PLEKHA6: variants seen among roughly 807,000 people sequenced by gnomAD.
The protein encoded by PLEKHA6 is pleckstrin homology domain containing A6.
Under a neutral mutation model 116.7 loss-of-function variants are expected in PLEKHA6, and 60 were observed. That is an observed-to-expected ratio of 0.51 (90% CI 0.42 to 0.64). The LOEUF (loss-of-function observed/expected upper bound fraction) is 0.64, where lower values mean the gene tolerates loss of function less well. Among genes scored for constraint, PLEKHA6 ranks in the 30% least tolerant of loss-of-function variants. The probability of loss-of-function intolerance (pLI) is 0.00; values close to 1 mark genes in which losing one functional copy is unlikely to be tolerated. For missense variants in PLEKHA6, 1,338 were observed against 1,422.7 expected (o/e 0.94, Z 0.96); for synonymous variants, 489 against 556.1 (o/e 0.88, Z 1.70).
intron 1 of PLEKHA6, among the ~76,000 whole-genome samples, chr1:204,375,181 C>T (rs1340409180): frequency 6.6e-6 from 1 of 152,096 alleles, no homozygotes; most frequent in East Asian, 1.9e-4. Context: ...CCCTCGCACT[C>T]TTCTGGGTCG....
At chr1:204,367,225 G>A (rs1026673160) in intron 3 of PLEKHA6, among the ~76,000 whole-genome samples, 5 of 152,164 alleles carry the variant, frequency 3.3e-5, no homozygotes, top group African/African-American at 7.2e-5. Context: ...CTTTAGCCAC[G>A]GCAGGAAATA....
intron 17 of PLEKHA6, among the ~76,000 whole-genome samples, chr1:204,237,276 A>C (rs946804869): frequency 1.3e-5 from 2 of 152,216 alleles, no homozygotes; most frequent in African/African-American, 4.8e-5. Flanking sequence ...AAGAACCCCC[A>C]CATTGGCTCC....
chr1:204,259,575 T>C lies in PLEKHA6; in HGVS notation c.690A>G (p.Lys230=), dbSNP rs754445286. The change falls in exon 8 of 23, where the codon AAA becomes AAG. Residue 230 remains lysine, a synonymous_variant. Transcript: ENST00000272203. The surrounding 1 kb of genome is among the most constrained non-coding windows in gnomAD (Gnocchi z 4.6). ...GGCCATTGGCTTTCACCGGAGGCTC[T>C]TTCTTGACTTCTGGCCTCTCAGGCC... The part of the protein sequence containing the change: ...ERRPERPEVK[K]EPPVKANGLP... The C allele has an allele frequency of 4.3e-6, 7 of 1,613,960 alleles. No individual in the cohort carries two copies. The Admixed American group carries it at 5.0e-5, about 12-fold the overall frequency.
intron 12 of PLEKHA6, 77 bp from the exon 13 acceptor site, chr1:204,247,537 G>C: frequency 1.1e-6 from 1 of 942,306 alleles, no homozygotes; most frequent in Non-Finnish European, 1.7e-6. Flanking sequence ...TGGACCCTGG[G>C]GCCAGGGTAC....
At chr1:204,281,530 A>C (rs1373097244) in intron 1 of PLEKHA6, among the ~76,000 whole-genome samples, 1 of 142,376 alleles carries the variant, frequency 7.0e-6, no homozygotes. Context: ...GTCTCAAAAA[A>C]ACAAAAAAAA....
chr1:204,355,495 A>G (rs1400130341), intron 1 of PLEKHA6, among the ~76,000 whole-genome samples: 2 of 152,224 alleles, frequency 1.3e-5, no homozygotes, highest in Non-Finnish European at 2.9e-5. Flanking sequence ...GCTGGAGTAC[A>G]GTGGCACGAT....
At chr1:204,241,963 C>A in intron 15 of PLEKHA6, 149 bp from the exon 16 acceptor site, 1 of 843,178 alleles carries the variant, frequency 1.2e-6, no homozygotes. Context: ...GCCTGGGAGG[C>A]GGACAGGAAT....
Position 204,220,849 on chromosome 1 carries a change from C to T in PLEKHA6, c.*1939G>A, listed in dbSNP as rs1389246732. On this transcript the variant is annotated 3_prime_UTR_variant, in exon 23 of 23. Transcript: ENST00000272203. ...GAGAGAGAGGTGGCAGAGGCGCAGA[C>T]ATTATTTCTTGGTATTTTACATGTA... The T allele has an allele frequency of 6.6e-6, 1 of 151,408 alleles. No individual in the cohort carries two copies. The highest frequency in any genetic ancestry group is 1.5e-5 in the Non-Finnish European group (1 of 67,902). The allele number at this position is 151,408 out of a possible 1,614,324, so 9.4% of individuals were successfully genotyped here.
chr1:204,359,741 G>A lies in PLEKHA6; in HGVS notation c.-142C>T. 1.0e-6 allele frequency: 1 copy of A among 968,780 alleles called. No homozygotes were observed. The highest frequency in any genetic ancestry group is 1.2e-6 in the Non-Finnish European group (1 of 814,732). 60.0% of individuals were successfully genotyped at this position (968,780 alleles called of 1,614,324 possible). A position where few individuals can be genotyped will look rare whatever the true frequency, so the allele number is the denominator to read the frequency against. The stretch of plus-strand genomic sequence containing the variant: ...GCGCTGGAAAGCTCTAACTCTGCGA[G>A]CCCCAAGGCACCCCTCCCCCCAGCT... On this transcript the variant is annotated 5_prime_UTR_variant, in exon 1 of 23. Transcript: ENST00000272203.
intron 3 of PLEKHA6, among the ~76,000 whole-genome samples, chr1:204,366,931 C>T (rs550665253): frequency 5.9e-5 from 9 of 152,302 alleles, no homozygotes; most frequent in African/African-American, 1.4e-4. Context: ...GACAAGGGTC[C>T]TCCCTGCCCT....
intron 1 of PLEKHA6, among the ~76,000 whole-genome samples, chr1:204,328,257 T>A (rs1389416780): frequency 6.6e-6 from 1 of 151,694 alleles, no homozygotes; most frequent in Non-Finnish European, 1.5e-5. Flanking sequence ...TAATTTTGTA[T>A]TTTTAGTAGA....
At chr1:204,235,837 C>T (rs1418460339) in intron 17 of PLEKHA6, among the ~76,000 whole-genome samples, 1 of 152,188 alleles carries the variant, frequency 6.6e-6, no homozygotes, top group Non-Finnish European at 1.5e-5. Context: ...TGCCATCAGC[C>T]TTTCCACCTT....
chr1:204,277,573 C>A lies in PLEKHA6; in HGVS notation c.-94-2764G>T, dbSNP rs1668153362. ...CCCAATTCTCAACCCACAATACAGG[C>A]TCCTGAGCTGAAAATCAACTTGCTT... On this transcript the variant is annotated intron_variant, in intron 1 of 22. Coordinates refer to ENST00000272203, the MANE Select transcript of PLEKHA6 (RefSeq NM_014935.5). The surrounding 1 kb of genome is among the most constrained non-coding windows in gnomAD (Gnocchi z 4.1). 6.6e-6 allele frequency: 1 copy of A among 152,178 alleles called. No individual in the cohort carries two copies. The highest frequency in any genetic ancestry group is 1.5e-5 in the Non-Finnish European group (1 of 68,032). The allele number at this position is 152,178 out of a possible 1,614,324, so 9.4% of individuals were successfully genotyped here. A position where few individuals can be genotyped will look rare whatever the true frequency, so the allele number is the denominator to read the frequency against.
intron 21 of PLEKHA6, among the ~76,000 whole-genome samples, chr1:204,227,605 G>T (rs551101077): frequency 6.6e-6 from 1 of 152,126 alleles, no homozygotes; most frequent in Admixed American, 6.5e-5. Flanking sequence ...TAATTGCATC[G>T]CTCTCAACTC....
chr1:204,297,618 G>T (rs1402480005), intron 1 of PLEKHA6, among the ~76,000 whole-genome samples: 1 of 151,878 alleles, frequency 6.6e-6, no homozygotes, highest in Non-Finnish European at 1.5e-5. Flanking sequence ...GGCAACAGGG[G>T]GGGTGGGTAA....
Position 204,228,387 on chromosome 1 carries a change from G to A in PLEKHA6, c.2886-159C>T, listed in dbSNP as rs966303562. 1.3e-5 allele frequency among the ~76,000 whole-genome samples: 2 copies of A among 152,144 alleles called. No homozygotes were observed. The highest frequency in any genetic ancestry group is 2.9e-5 in the Non-Finnish European group (2 of 68,018). On this transcript the variant is annotated intron_variant, in intron 20 of 22. Coordinates refer to ENST00000272203, the MANE Select transcript of PLEKHA6 (RefSeq NM_014935.5). The surrounding 1 kb of genome is among the most constrained non-coding windows in gnomAD (Gnocchi z 4.0). ...TGTCCCTAGGAGTGAGTGGGACCCT[G>A]GCAAAACACAGGTTGGGACCCCTAC...
chr1:204,361,967 G>A (rs759799523), upstream of PLEKHA6, among the ~76,000 whole-genome samples: 1 of 152,372 alleles, frequency 6.6e-6, no homozygotes, highest in Non-Finnish European at 1.5e-5. Context: ...CCTGCTGGGC[G>A]GGTTTCCTCT....
chr1:204,297,113 G>A (rs1670360111), intron 1 of PLEKHA6: 3 of 983,964 alleles, frequency 3.0e-6, no homozygotes, highest in Admixed American at 6.1e-5. Flanking sequence ...GACAACAGTA[G>A]AGATAAAATC....
In PLEKHA6 at chr1:204,257,738, T is replaced by C. The variant is rs370173792; in HGVS notation, c.1139A>G (p.Tyr380Cys). The C allele has an allele frequency of 3.0e-5, 48 of 1,613,370 alleles. No homozygotes were observed. Among genetic ancestry groups the C allele is most frequent in the Non-Finnish European group, 3.9e-5 (46 of 1,179,766 alleles). The stretch of plus-strand genomic sequence containing the variant: ...GGCCCAGGGCGGGCTGATCCGATCA[T>C]AGGCCGGCATGGAACAGATGCTCTC... Reference protein sequence around the residue: ...RPESICSMPAYDRISPPWALE... With the variant: ...RPESICSMPACDRISPPWALE... Residue 380 changes from tyrosine to cysteine, a missense_variant, in exon 9 of 23, where the codon TAT becomes TGT. Around this residue, in one of 3 missense-constraint regions of PLEKHA6, gnomAD observed 1,136 missense variants for 1,163.6 expected, o/e 0.98. Coordinates refer to ENST00000272203, the MANE Select transcript of PLEKHA6 (RefSeq NM_014935.5). This position sits in a 1 kb window ranked among gnomAD's most constrained non-coding sequence, Gnocchi z 6.5.
Sources: allele counts gnomAD v4.1 joint callset (sites outside exome capture counted in the v4.1 genomes callset), GRCh38; gene constraint gnomAD v4.1.1; regional missense constraint gnomAD v4.1.1; non-coding constraint Gnocchi (gnomAD v3.1); transcripts MANE v1.5; gene names NCBI Gene and HGNC (gene_info 2026-07-23, HGNC 2026-07-21).